The following STXBP5 variants were observed in gnomAD, a reference collection of about 807,000 sequenced individuals.
The protein encoded by STXBP5 is syntaxin-binding protein 5.
In STXBP5, 50 loss-of-function variants were observed where a neutral mutation model predicts 152.4. That is an observed-to-expected ratio of 0.33 (90% confidence interval 0.26 to 0.42). STXBP5 has a LOEUF of 0.42. STXBP5 is among the 10% of genes least tolerant of loss of function. The pLI is 1.00. For missense variants in STXBP5, 1,167 were observed against 1,388.6 expected, an observed-to-expected ratio of 0.84 and a Z score of 2.54; for synonymous variants, 492 against 494.7, an observed-to-expected ratio of 0.99 and a Z score of 0.07.
chr6:147,242,541 C>T (rs1031302726), intron 4 of STXBP5, among the ~76,000 whole-genome samples: 1 of 152,144 alleles, frequency 6.6e-6, no homozygotes, highest in African/African-American at 2.4e-5. Flanking sequence ...GATAACTGCC[C>T]TCTATAGGTG....
intron 16 of STXBP5, among the ~76,000 whole-genome samples, chr6:147,318,388 A>C (rs1331156325): frequency 6.6e-6 from 1 of 152,280 alleles, no homozygotes; most frequent in Non-Finnish European, 1.5e-5. Context: ...ATAATAGTTA[A>C]GGCAGCAACC....
intron 2 of STXBP5, among the ~76,000 whole-genome samples, chr6:147,211,908 T>C (rs1211261426): frequency 1.3e-5 from 2 of 152,178 alleles, no homozygotes; most frequent in African/African-American, 4.8e-5. Context: ...ATAGCTACTT[T>C]CCTCCTCCTC....
At chr6:147,263,392 A>G (rs1030063844) in intron 6 of STXBP5, among the ~76,000 whole-genome samples, 1 of 114,206 alleles carries the variant, frequency 8.8e-6, no homozygotes, top group African/African-American at 3.4e-5. Context: ...AAGTCTCACT[A>G]TGTTGCCTAA....
At chr6:147,263,492 T>C (rs1779744682) in intron 6 of STXBP5, among the ~76,000 whole-genome samples, 1 of 151,896 alleles carries the variant, frequency 6.6e-6, no homozygotes, top group Admixed American at 6.6e-5. Context: ...GTGCCTGGTT[T>C]AGACTGCCAT....
intron 4 of STXBP5, 46 bp from the exon 5 acceptor site, chr6:147,260,569 T>A (rs1177098806): frequency 7.4e-6 from 12 of 1,611,592 alleles, no homozygotes; most frequent in Non-Finnish European, 1.0e-5. Flanking sequence ...TTAGTAAAAT[T>A]TGCCATTTTT....
At chr6:147,241,608 T>A (rs1349529047) in intron 4 of STXBP5, among the ~76,000 whole-genome samples, 4 of 152,204 alleles carry the variant, frequency 2.6e-5, no homozygotes, top group African/African-American at 4.8e-5. Flanking sequence ...AATACTCCTA[T>A]AGATTAGGGA....
chr6:147,364,388 A>G (rs891505219), intron 25 of STXBP5, among the ~76,000 whole-genome samples: 2 of 152,210 alleles, frequency 1.3e-5, no homozygotes, highest in African/African-American at 4.8e-5. Flanking sequence ...ACTAATCCAT[A>G]TCGGTCTTTC....
chr6:147,232,007 A>G (rs1407085472), intron 2 of STXBP5, among the ~76,000 whole-genome samples: 1 of 151,926 alleles, frequency 6.6e-6, no homozygotes, highest in Non-Finnish European at 1.5e-5. Flanking sequence ...AGTGAATAAT[A>G]CATTGTCTTA....
intron 16 of STXBP5, 146 bp downstream of exon 16, chr6:147,316,553 C>T: frequency 1.5e-6 from 1 of 672,114 alleles, no homozygotes; most frequent in Non-Finnish European, 2.3e-6. Context: ...ATGGTTAGTC[C>T]AACTCATTTT....
rs199525704 is a variant in STXBP5, at chr6:147,267,078, T to C, written c.631-6T>C. On this transcript the variant is annotated splice_polypyrimidine_tract_variant and splice_region_variant and intron_variant, in intron 6 of 27. Transcript: ENST00000321680. ...CTAGGTAATGTGCCTTTTTCTTTTA[T>C]CACAGCTTTTGATTGGCTTTGAATC... 5.3e-4 allele frequency: 849 copies of C among 1,605,512 alleles called. 2 individuals carry two copies. The highest frequency in any genetic ancestry group is 6.9e-4 in the Non-Finnish European group (816 of 1,177,614).
At chr6:147,292,129 T>C (rs1781305895) in intron 9 of STXBP5, 1 of 375,488 alleles carries the variant, frequency 2.7e-6, no homozygotes, top group Non-Finnish European at 5.1e-6. Flanking sequence ...CCACTGGATA[T>C]TACAACTGGC....
At chr6:147,347,555 T>C (rs1289256222) in intron 21 of STXBP5, among the ~76,000 whole-genome samples, 2 of 152,200 alleles carry the variant, frequency 1.3e-5, no homozygotes, top group Non-Finnish European at 1.5e-5. Context: ...GTAAAACTTA[T>C]AAATGTGAAA....
chr6:147,315,743 C>A lies in STXBP5; in HGVS notation c.1623+8C>A, dbSNP rs761769686. 1 of 1,603,470 alleles carries A rather than the reference C, an allele frequency of 6.2e-7. No homozygotes were observed. Among genetic ancestry groups the A allele is most frequent in the Non-Finnish European group, 8.5e-7 (1 of 1,171,468 alleles). On this transcript the variant is annotated splice_region_variant and intron_variant, in intron 15 of 27. Transcript: ENST00000321680. ...ATCACAGAAGTCATTCCGGTAATAA[C>A]GTCTTAGTTATTTTCATGGTCAAGT...
At chr6:147,257,209 A>G (rs1317721936) in intron 4 of STXBP5, among the ~76,000 whole-genome samples, 3 of 149,732 alleles carry the variant, frequency 2.0e-5, no homozygotes, top group African/African-American at 2.5e-5. Context: ...ACTAAATACA[A>G]CTTGTATTTA....
chr6:147,226,821 A>C (rs1031153496), intron 2 of STXBP5, among the ~76,000 whole-genome samples: 2 of 152,214 alleles, frequency 1.3e-5, no homozygotes, highest in African/African-American at 2.4e-5. Flanking sequence ...AAAGTTCTCA[A>C]ATAAGAAAAA....
chr6:147,275,720 C>A (rs1780411938), intron 7 of STXBP5, among the ~76,000 whole-genome samples: 1 of 151,604 alleles, frequency 6.6e-6, no homozygotes, highest in Non-Finnish European at 1.5e-5. Flanking sequence ...ACACGCCTGG[C>A]TAATTTTTTG....
chr6:147,328,055 C>A (rs748895487), intron 18 of STXBP5, among the ~76,000 whole-genome samples: 1 of 152,164 alleles, frequency 6.6e-6, no homozygotes, highest in Non-Finnish European at 1.5e-5. Context: ...ATTGAGAATT[C>A]TCTTTATAGA....
intron 2 of STXBP5, among the ~76,000 whole-genome samples, chr6:147,214,856 G>A (rs370556592): frequency 3.3e-5 from 5 of 151,022 alleles, no homozygotes; most frequent in African/African-American, 1.2e-4. Context: ...TCAAGAGTCC[G>A]GAAATTAAGA....
chr6:147,250,454 C>G (rs1329899075), intron 4 of STXBP5, among the ~76,000 whole-genome samples: 1 of 152,030 alleles, frequency 6.6e-6, no homozygotes, highest in Non-Finnish European at 1.5e-5. Flanking sequence ...ATTGTATTGG[C>G]ATTGTAAGTA....
Sources: gnomAD v4.1 joint callset for allele counts (sites outside exome capture counted in the v4.1 genomes callset) on GRCh38, gnomAD v4.1.1 for gene constraint, MANE v1.5 for transcripts, NCBI Gene and HGNC (gene_info 2026-07-23, HGNC 2026-07-21) for gene names.